Variants in NDUFA2 observed in about 807,000 individuals in gnomAD.
NDUFA2 encodes the protein NADH:ubiquinone oxidoreductase subunit A2, also known as NADH dehydrogenase [ubiquinone] 1 alpha subcomplex subunit 2.
In NDUFA2, 9 loss-of-function variants were observed where a neutral mutation model predicts 11.4. The observed-to-expected ratio is 0.79, with a 90% CI of 0.48 to 1.38. The LOEUF is 1.38. Among genes scored for constraint, NDUFA2 ranks in the 40% most tolerant of loss-of-function variants. NDUFA2 has a pLI of 0.00. For missense variants in NDUFA2, 150 were observed against 131.2 expected, an observed-to-expected ratio of 1.14 and a Z score of -0.70; for synonymous variants, 49 against 54.0, an observed-to-expected ratio of 0.91 and a Z score of 0.41.
rs1757401867 is a variant in NDUFA2, at chr5:140,646,384, C to T, written c.209-706G>A. ...CACAATACACTAAAGTTACTCGTGTCTATCTCCTCCTGTAGTCTACTGGCT... is the reference window on the plus strand; with the variant it reads ...CACAATACACTAAAGTTACTCGTGTTTATCTCCTCCTGTAGTCTACTGGCT... On this transcript the variant is annotated intron_variant, in intron 2 of 2. Transcript: ENST00000252102. Among the ~76,000 whole-genome samples the T allele has an allele frequency of 2.0e-5, 3 of 152,152 alleles. No individual in the cohort carries two copies. The South Asian group carries it at 6.2e-4, about 32-fold the overall frequency.
chr5:140,646,034 G>A (rs1447813095), intron 2 of NDUFA2, among the ~76,000 whole-genome samples: 2 of 146,268 alleles, frequency 1.4e-5, no homozygotes, highest in Admixed American at 1.4e-4. Flanking sequence ...TTTTTGAGAC[G>A]GAGTCTCGCT....
intron 2 of NDUFA2, 117 bp downstream of exon 2, chr5:140,647,139 G>C: frequency 9.0e-7 from 1 of 1,117,030 alleles, no homozygotes; most frequent in Non-Finnish European, 1.2e-6. Flanking sequence ...CAACAGCAAG[G>C]CTAAAGTCCG....
chr5:140,645,288 C>A lies in NDUFA2; in HGVS notation c.*299G>T. 1.4e-6 allele frequency: 1 copy of A among 710,044 alleles called. No homozygotes were observed. The allele number at this position is 710,044 out of a possible 1,614,324, so 44.0% of individuals were successfully genotyped here. A position where few individuals can be genotyped will look rare whatever the true frequency, so the allele number is the denominator to read the frequency against. The stretch of plus-strand genomic sequence containing the variant: ...CCAGGCAGGAGGACCAAAAGGGACT[C>A]AGTGTGGTCTACTTACTCTGGGGCC... On this transcript the variant is annotated 3_prime_UTR_variant, in exon 3 of 3. Coordinates refer to ENST00000252102, the MANE Select transcript of NDUFA2 (RefSeq NM_002488.5).
intron 2 of NDUFA2, 29 bp downstream of exon 2, chr5:140,647,227 G>A (rs780632770): frequency 1.3e-5 from 20 of 1,522,748 alleles, no homozygotes; most frequent in Middle Eastern, 1.8e-4. Context: ...CCCTACCGGA[G>A]CCCCAGACCC....
intron 2 of NDUFA2, among the ~76,000 whole-genome samples, chr5:140,646,009 C>CTTTTTT: frequency 8.1e-6 from 1 of 124,122 alleles, no homozygotes; most frequent in African/African-American, 3.0e-5. Flanking sequence ...CATTCTCTCT[C>CTTTTTT]TTTTTTTTTT....
At chr5:140,647,178 C>A (rs1022812709) in intron 2 of NDUFA2, 78 bp downstream of exon 2, 1 of 1,440,276 alleles carries the variant, frequency 6.9e-7, no homozygotes, top group East Asian at 2.3e-5. Context: ...GGTTTCTGCA[C>A]GACCTTGGGC....
Position 140,646,001 on chromosome 5 carries a change from TTCTC to T in NDUFA2, c.209-327_209-324del, listed in dbSNP as rs1416758796. Reference sequence around the variant, plus strand: ...GGGTCCAGCCTCAGCTGGGAGCCCATTCTCTCTCTTTTTTTTTTTTTTTTTTTGA... The same window carrying T: ...GGGTCCAGCCTCAGCTGGGAGCCCATTCTCTTTTTTTTTTTTTTTTTTTGA... On this transcript the variant is annotated intron_variant, in intron 2 of 2. Coordinates refer to ENST00000252102, the MANE Select transcript of NDUFA2 (RefSeq NM_002488.5). Among the ~76,000 whole-genome samples the T allele has an allele frequency of 5.5e-5, 8 of 146,564 alleles. No homozygotes were observed. In the South Asian group the frequency reaches 6.5e-4, roughly 12 times the overall value.
intron 2 of NDUFA2, chr5:140,646,918 T>C: frequency 4.6e-6 from 1 of 218,958 alleles, no homozygotes; most frequent in South Asian, 8.8e-5. Context: ...ATTACTGAGA[T>C]TCTCACACAC....
intron 2 of NDUFA2, 102 bp from the exon 3 acceptor site, chr5:140,645,780 A>T (rs1757357881): frequency 6.5e-7 from 1 of 1,535,200 alleles, no homozygotes; most frequent in Admixed American, 1.9e-5. Flanking sequence ...TTAAGACAGG[A>T]AGAGTATTAA....
At chr5:140,645,898 C>T (rs1393142615) in intron 2 of NDUFA2, among the ~76,000 whole-genome samples, 1 of 152,062 alleles carries the variant, frequency 6.6e-6, no homozygotes, top group Non-Finnish European at 1.5e-5. Context: ...TCTGGATGGC[C>T]GCAATGGGTT....
chr5:140,645,698 T>G lies in NDUFA2; in HGVS notation c.209-20A>C. ...CAAATGCTGAAGAGAGAGAGGGAGG[T>G]GTCTTTAACTATTCTGCACCCTGGA... On this transcript the variant is annotated intron_variant, in intron 2 of 2. Transcript: ENST00000252102. The G allele has an allele frequency of 8.7e-6, 14 of 1,614,046 alleles. No homozygotes were observed. Among genetic ancestry groups the G allele is most frequent in the Non-Finnish European group, 1.2e-5 (14 of 1,180,000 alleles).
chr5:140,647,541 C>G lies in NDUFA2; in HGVS notation c.43G>C (p.Gly15Arg), dbSNP rs773844456. 2 of 1,611,988 alleles carry G rather than the reference C, an allele frequency of 1.2e-6. No homozygotes were observed. Among genetic ancestry groups the G allele is most frequent in the Non-Finnish European group, 1.7e-6 (2 of 1,180,032 alleles). ...AAGTGGATGCGAATCTCACGCAGGC[C>G]CAGCTTTGCCCCGACTCCTCGACTT... is the stretch of plus-strand genomic sequence containing the variant. ...AASRGVGAKL[G>R]LREIRIHLCQ... The change falls in exon 1 of 3, where the codon GGC (glycine) becomes CGC (arginine). Residue 15 changes from glycine to arginine, a missense_variant. By Grantham distance (125) the Gly-to-Arg change is moderately radical (BLOSUM62 -2). Transcript: ENST00000252102.
chr5:140,645,817 AT>A, intron 2 of NDUFA2, 139 bp from the exon 3 acceptor site: 1 of 1,407,670 alleles, frequency 7.1e-7, no homozygotes, highest in South Asian at 1.2e-5. Context: ...TACATTTGGT[AT>A]GCCTAGAATT....
intron 2 of NDUFA2, among the ~76,000 whole-genome samples, chr5:140,646,014 T>C (rs1173480520): frequency 6.7e-6 from 1 of 149,964 alleles, no homozygotes; most frequent in Admixed American, 6.6e-5. Flanking sequence ...TCTCTCTTTT[T>C]TTTTTTTTTT....
At position 140,645,696 on chromosome 5, in the gene NDUFA2, G is replaced by GGT. The variant is rs1314956724; in HGVS notation, c.209-20_209-19dup. 2 of 1,613,974 alleles carry GGT rather than the reference G, an allele frequency of 1.2e-6. No homozygotes were observed. The highest frequency in any genetic ancestry group is 1.3e-5 in the African/African-American group (1 of 74,906). ...GCCAAATGCTGAAGAGAGAGAGGGA[G>GGT]GTGTCTTTAACTATTCTGCACCCTG... On this transcript the variant is annotated intron_variant, in intron 2 of 2. Transcript: ENST00000252102.
At chr5:140,647,178 C>T (rs1022812709) in intron 2 of NDUFA2, 78 bp downstream of exon 2, 8 of 1,440,156 alleles carry the variant, frequency 5.6e-6, no homozygotes, top group Middle Eastern at 1.9e-4. Context: ...GGTTTCTGCA[C>T]GACCTTGGGC....
chr5:140,647,590 T>C lies in NDUFA2; in HGVS notation c.-7A>G, dbSNP rs748517973. On this transcript the variant is annotated 5_prime_UTR_variant, in exon 1 of 3. Coordinates refer to ENST00000252102, the MANE Select transcript of NDUFA2 (RefSeq NM_002488.5). ...TTGCTGCGGCCGCCGCCATCCTTGT[T>C]AATATCGAAGTCGCCAATTCCAGGT... The C allele has an allele frequency of 1.2e-6, 2 of 1,609,100 alleles. No individual in the cohort carries two copies. The highest frequency in any genetic ancestry group is 2.2e-5 in the East Asian group (1 of 44,860).
rs755350483 is a variant in NDUFA2, at chr5:140,645,566, T to TCCA, written c.*20_*21insTGG. ...AGAGCCCAGGCTCTGGGGCTGTTGC[T>TCCA]CTTAATCCTCAGTGGAGGCTTCAGG... On this transcript the variant is annotated 3_prime_UTR_variant, in exon 3 of 3. Transcript: ENST00000252102. The TCCA allele has an allele frequency of 3.7e-6, 6 of 1,614,030 alleles. No homozygotes were observed. The African/African-American group carries it at 8.0e-5, about 22-fold the overall frequency.
chr5:140,647,302 T>C lies in NDUFA2; in HGVS notation c.162A>G (p.Leu54=). ...LKKANPDLPI[L]IRECSDVQPK... ...GCTGCACATCGGAGCATTCGCGGAT[T>C]AGGATGGGTAGGTCGGGATTCGCCT... Residue 54 remains leucine, a synonymous_variant, in exon 2 of 3, where the codon CTA becomes CTG. Coordinates refer to ENST00000252102, the MANE Select transcript of NDUFA2 (RefSeq NM_002488.5). 6.3e-7 allele frequency: 1 copy of C among 1,583,542 alleles called. No individual in the cohort carries two copies. The highest frequency in any genetic ancestry group is 8.6e-7 in the Non-Finnish European group (1 of 1,162,320).
Sources: gnomAD v4.1 joint callset for allele counts (sites outside exome capture counted in the v4.1 genomes callset) on GRCh38, gnomAD v4.1.1 for gene constraint, MANE v1.5 for transcripts, NCBI Gene and HGNC (gene_info 2026-07-23, HGNC 2026-07-21) for gene names.